Variants in NBEA observed in about 807,000 individuals in gnomAD.
The protein encoded by NBEA is neurobeachin.
A neutral mutation model predicts 343.4 loss-of-function variants in NBEA; 44 were observed. The ratio of observed to expected loss-of-function variants is 0.13; its 90% confidence interval spans 0.10 to 0.16. The LOEUF is 0.16. Ranked by LOEUF, NBEA falls within the 10% of genes least tolerant of loss-of-function variation. The pLI is 1.00. For synonymous variants in NBEA, 1,175 were observed against 1,238.7 expected (o/e 0.95, Z 1.08); for missense variants, 2,555 against 3,631.3 (o/e 0.70, Z 7.62).
intron 1 of NBEA, 95 bp from the exon 2 acceptor site, chr13:35,040,838 T>C: frequency 9.7e-7 from 1 of 1,031,250 alleles, no homozygotes; most frequent in African/African-American, 1.6e-5. Context: ...TGAAATTTTT[T>C]AGAGTAGTAG....
chr13:35,423,253 G>A (rs1476634570), intron 38 of NBEA, among the ~76,000 whole-genome samples: 1 of 152,084 alleles, frequency 6.6e-6, no homozygotes, highest in African/African-American at 2.4e-5. Flanking sequence ...GTATTGCCTA[G>A]GTTTTCTTTT....
chr13:35,563,136 T>TAGATAGATAGATAG (rs749349136), intron 44 of NBEA, among the ~76,000 whole-genome samples: 20,765 of 84,058 alleles, frequency 0.25, 1,706 homozygotes, highest in Middle Eastern at 0.34. Context: ...TGTGTGGAGA[T>TAGATAGATAGATAG]AGATAGATAG....
chr13:34,958,978 C>T (rs2059579335), intron 1 of NBEA, among the ~76,000 whole-genome samples: 1 of 152,114 alleles, frequency 6.6e-6, no homozygotes, highest in Non-Finnish European at 1.5e-5. Flanking sequence ...CCTGTCCCCT[C>T]ACCACCTCCT....
chr13:35,222,864 C>T (rs2074447276), intron 33 of NBEA, among the ~76,000 whole-genome samples: 1 of 152,152 alleles, frequency 6.6e-6, no homozygotes, highest in African/African-American at 2.4e-5. Context: ...CATGGTGGCT[C>T]ACACCTGTAA....
At chr13:35,220,430 A>C (rs531536896) in intron 33 of NBEA, among the ~76,000 whole-genome samples, 1 of 152,286 alleles carries the variant, frequency 6.6e-6, no homozygotes, top group East Asian at 1.9e-4. Context: ...CTATTTCTCT[A>C]AACATCTTGG....
Position 35,118,230 on chromosome 13 carries a change from T to C in NBEA, c.2085T>C (p.Asp695=). ...LLFLKQLILK[D]RGVKEDELQS... is the part of the protein sequence containing the mutation. ...ATAAAATATTTTTTAAAAATTAGGATCGAGGGGTCAAGGAAGATGAACTTC... is the reference window on the plus strand; with the variant it reads ...ATAAAATATTTTTTAAAAATTAGGACCGAGGGGTCAAGGAAGATGAACTTC... The change falls in exon 15 of 59, where the codon GAT becomes GAC. Residue 695 remains aspartate (D), a splice_region_variant and synonymous_variant. Transcript: ENST00000379939. 6.7e-7 allele frequency: 1 copy of C among 1,494,972 alleles called. No homozygotes were observed. The highest frequency in any genetic ancestry group is 9.0e-7 in the Non-Finnish European group (1 of 1,116,180). 92.6% of individuals were successfully genotyped at this position (1,494,972 alleles called of 1,614,324 possible).
chr13:35,420,924 T>C (rs2044232560), intron 38 of NBEA, among the ~76,000 whole-genome samples: 1 of 151,978 alleles, frequency 6.6e-6, no homozygotes, highest in African/African-American at 2.4e-5. Flanking sequence ...TCAGTGTTAT[T>C]GATTTTTTTC....
At chr13:35,069,378 T>G (rs962532013) in intron 8 of NBEA, among the ~76,000 whole-genome samples, 7 of 138,710 alleles carry the variant, frequency 5.0e-5, no homozygotes, top group Non-Finnish European at 1.2e-4. Flanking sequence ...AATGAACTTC[T>G]CTTCTGAGTT....
chr13:35,595,910 C>T (rs1055313617), intron 47 of NBEA, among the ~76,000 whole-genome samples: 4 of 151,934 alleles, frequency 2.6e-5, no homozygotes, highest in African/African-American at 9.7e-5. Context: ...TGACGTGGAA[C>T]ATTTTTCATG....
intron 38 of NBEA, among the ~76,000 whole-genome samples, chr13:35,384,004 A>G (rs574343332): frequency 6.6e-6 from 1 of 152,102 alleles, no homozygotes; most frequent in African/African-American, 2.4e-5. Context: ...ATCTGGAAAG[A>G]TGAATCCAGT....
chr13:35,475,640 C>T, intron 41 of NBEA: 2 of 1,613,902 alleles, frequency 1.2e-6, no homozygotes, highest in Non-Finnish European at 1.7e-6. Flanking sequence ...ATCTGCACCA[C>T]GTACCTATCT....
rs533357766 is a variant in NBEA, at chr13:35,062,179, C to G, written c.1239+3316C>G. Among the ~76,000 whole-genome samples, 12 of 151,332 alleles carry G rather than the reference C, an allele frequency of 7.9e-5. No individual in the cohort carries two copies. In the East Asian group the frequency reaches 2.3e-3, roughly 29 times the overall value. ...TGAATTAAAAGACAGGAAGTATCAGCCATGAAATAAAACAAAGTCAGATGG... is the reference window on the plus strand; with the variant it reads ...TGAATTAAAAGACAGGAAGTATCAGGCATGAAATAAAACAAAGTCAGATGG... On this transcript the variant is annotated intron_variant, in intron 8 of 58. Transcript: ENST00000379939.
chr13:35,481,438 T>C (rs925943318), intron 41 of NBEA, among the ~76,000 whole-genome samples: 1 of 151,810 alleles, frequency 6.6e-6, no homozygotes, highest in Non-Finnish European at 1.5e-5. Context: ...CAGGATGTTT[T>C]CAGTTGTATC....
chr13:35,053,773 G>T (rs1343209751), intron 6 of NBEA, among the ~76,000 whole-genome samples: 1 of 152,018 alleles, frequency 6.6e-6, no homozygotes, highest in Non-Finnish European at 1.5e-5. Context: ...TTAGTCAATG[G>T]TATGTTATGT....
intron 36 of NBEA, among the ~76,000 whole-genome samples, chr13:35,310,296 C>T (rs1485213266): frequency 1.3e-5 from 2 of 152,020 alleles, no homozygotes; most frequent in East Asian, 3.9e-4. Context: ...GTTATTTGGG[C>T]AAATTCTTAA....
Position 35,142,322 on chromosome 13 carries a change from G to A in NBEA, c.2390G>A (p.Arg797Lys). Residue 797 changes from arginine to lysine, a missense_variant, in exon 18 of 59, where the codon AGG becomes AAG. By Grantham distance (26) the Arg-to-Lys change is conservative. Coordinates refer to ENST00000379939, the MANE Select transcript of NBEA (RefSeq NM_001385012.1). ...AGTCTTTTCACTCTTCTTGGAGAAA[G>A]GCTGATGTTGCATACAAACACTGTG... ...THSLFTLLGERLMLHTNTVTV... is the reference protein window; with the variant it reads ...THSLFTLLGEKLMLHTNTVTV... 6.2e-7 allele frequency: 1 copy of A among 1,613,206 alleles called. No individual in the cohort carries two copies. The highest frequency in any genetic ancestry group is 8.5e-7 in the Non-Finnish European group (1 of 1,179,484).
At chr13:35,445,831 T>TATATATATATGTATA in intron 39 of NBEA, among the ~76,000 whole-genome samples, 1 of 141,968 alleles carries the variant, frequency 7.0e-6, no homozygotes, top group Non-Finnish European at 1.5e-5. Flanking sequence ...TATATATATA[T>TATATATATATGTATA]TATATTTGAA....
chr13:35,060,872 AT>A (rs1250720395), intron 8 of NBEA, among the ~76,000 whole-genome samples: 2 of 151,646 alleles, frequency 1.3e-5, no homozygotes, highest in African/African-American at 4.8e-5. Flanking sequence ...CTACAGTGGA[AT>A]TTTTAAGGTG....
chr13:35,070,161 AT>A, intron 9 of NBEA, 56 bp downstream of exon 9: 1 of 1,364,918 alleles, frequency 7.3e-7, no homozygotes, highest in Non-Finnish European at 9.6e-7. Context: ...CAGTATCTTT[AT>A]TTTATATATC....
Sources: allele counts gnomAD v4.1 joint callset (sites outside exome capture counted in the v4.1 genomes callset), GRCh38; gene constraint gnomAD v4.1.1; transcripts MANE v1.5; gene names NCBI Gene and HGNC (gene_info 2026-07-23, HGNC 2026-07-21).